ALDOA: variants seen among roughly 807,000 people sequenced by gnomAD.
The protein encoded by ALDOA is fructose-bisphosphate aldolase A.
In ALDOA, 26 loss-of-function variants were observed where a neutral mutation model predicts 43.9. The observed-to-expected ratio is 0.59, with a 90% CI of 0.43 to 0.82. The LOEUF is 0.82. Among genes scored for constraint, ALDOA ranks in the 40% least tolerant of loss-of-function variants. The pLI is 0.00. For synonymous variants in ALDOA, 258 were observed against 222.6 expected, an observed-to-expected ratio of 1.16 and a Z score of -1.42; for missense variants, 498 against 549.5, an observed-to-expected ratio of 0.91 and a Z score of 0.94.
At position 30,067,517 on chromosome 16, in the gene ALDOA, C is replaced by G. The variant is rs776135373; in HGVS notation, c.342C>G (p.Arg114=). The G allele has an allele frequency of 6.2e-7, 1 of 1,613,896 alleles. No homozygotes were observed. The change falls in exon 4 of 10, where the codon CGC becomes CGG. Residue 114 remains arginine (R), a synonymous_variant. Transcript: ENST00000642816. Reference sequence around the variant, plus strand: ...CCGAGGAGAACCGGCGCTTCTACCGCCAGCTGCTGCTGACAGCTGACGACC... The same window carrying G: ...CCGAGGAGAACCGGCGCTTCTACCGGCAGCTGCTGCTGACAGCTGACGACC... The part of the protein sequence containing the change: ...ENTEENRRFY[R]QLLLTADDRV...
At chr16:30,069,207 G>A (rs894348239) in intron 6 of ALDOA, 99 bp from the exon 7 acceptor site, 1 of 1,441,328 alleles carries the variant, frequency 6.9e-7, no homozygotes, top group African/African-American at 1.4e-5. Context: ...CTGAGTCCCT[G>A]GCATCATCAA....
At chr16:30,068,156 C>T (rs1333188231) in intron 4 of ALDOA, 9 of 267,672 alleles carry the variant, frequency 3.4e-5, no homozygotes, top group Non-Finnish European at 7.3e-6. Context: ...GTTCCGCCTC[C>T]CAGGTTCACG....
upstream of ALDOA, chr16:30,065,573 G>A (rs531858818): frequency 2.6e-5 from 4 of 152,336 alleles, no homozygotes; most frequent in Admixed American, 6.5e-5. Context: ...ACGTCCGAGG[G>A]GGGTGGGGAG....
At chr16:30,069,222 C>G (rs1012775602) in intron 6 of ALDOA, 84 bp from the exon 7 acceptor site, 1 of 1,482,428 alleles carries the variant, frequency 6.7e-7, no homozygotes, top group Non-Finnish European at 9.4e-7. Flanking sequence ...CATCAAGATA[C>G]GGTCTTGACC....
upstream of ALDOA, among the ~76,000 whole-genome samples, chr16:30,065,229 C>T (rs2072057946): frequency 6.6e-6 from 1 of 152,216 alleles, no homozygotes; most frequent in Non-Finnish European, 1.5e-5. Context: ...GCCTCCCTTA[C>T]GCCTGGGCCA....
At chr16:30,066,819 G>C (rs1334203303) in intron 1 of ALDOA, 66 bp from the exon 2 acceptor site, 1 of 1,495,136 alleles carries the variant, frequency 6.7e-7, no homozygotes, top group Non-Finnish European at 9.0e-7. Context: ...CCACGAGGGT[G>C]TTGGGCCCTC....
At position 30,070,039 on chromosome 16, in the gene ALDOA, G is replaced by C. The variant is rs754806943; in HGVS notation, c.1161+10G>C. 6.2e-7 allele frequency: 1 copy of C among 1,613,722 alleles called. No homozygotes were observed. Among genetic ancestry groups the C allele is most frequent in the South Asian group, 1.1e-5 (1 of 91,082 alleles). On this transcript the variant is annotated intron_variant, in intron 9 of 9. Transcript: ENST00000642816. The stretch of plus-strand genomic sequence containing the variant: ...TGTCAAGCGAGCCCTGGTAAGGATA[G>C]GCAGGAGGTGGGCAGGGTGCCTGGG...
chr16:30,068,444 TG>T, intron 4 of ALDOA: 1 of 660,450 alleles, frequency 1.5e-6, no homozygotes, highest in Non-Finnish European at 2.8e-6. Flanking sequence ...TAAGTAAATG[TG>T]GGGGAAGACT....
At position 30,068,667 on chromosome 16, in the gene ALDOA, C is replaced by G. The variant is rs201627751; in HGVS notation, c.508C>G (p.Leu170Val). Residue 170 changes from leucine (L) to valine (V), a missense_variant, in exon 5 of 10, where the codon CTG becomes GTG. Transcript: ENST00000642816. ...GIKVDKGVVP[L>V]AGTNGETTTQ... ...ACAGGTAGACAAGGGCGTGGTCCCC[C>G]TGGCAGGGACAAATGGCGAGACTAC... 6.2e-7 allele frequency: 1 copy of G among 1,614,218 alleles called. No individual in the cohort carries two copies. The highest frequency in any genetic ancestry group is 2.2e-5 in the East Asian group (1 of 44,874).
At chr16:30,066,653 C>T (rs2072116516) in intron 1 of ALDOA, among the ~76,000 whole-genome samples, 2 of 152,198 alleles carry the variant, frequency 1.3e-5, no homozygotes, top group Non-Finnish European at 2.9e-5. Flanking sequence ...TTGGGATGTC[C>T]TTGAAGCCTT....
At position 30,069,665 on chromosome 16, in the gene ALDOA, C is replaced by T; in HGVS notation, c.953C>T (p.Ala318Val). 1 of 1,613,640 alleles carries T rather than the reference C, an allele frequency of 6.2e-7. No individual in the cohort carries two copies. The highest frequency in any genetic ancestry group is 8.5e-7 in the Non-Finnish European group (1 of 1,180,016). ...GCGCTGCGCCGCACAGTGCCCCCCG[C>T]TGTCACTGGTGAGGCCCACACTCAT... is the stretch of plus-strand genomic sequence containing the variant. ...VTALRRTVPP[A>V]VTGITFLSGG... Residue 318 changes from alanine (A) to valine (V), a missense_variant, in exon 8 of 10, where the codon GCT becomes GTT. Physicochemically the swap from Ala to Val is moderately conservative, Grantham distance 64. Transcript: ENST00000642816.
At chr16:30,069,209 C>T (rs2151018281) in intron 6 of ALDOA, 97 bp from the exon 7 acceptor site, 17 of 1,445,460 alleles carry the variant, frequency 1.2e-5, no homozygotes, top group Non-Finnish European at 1.5e-5. Flanking sequence ...GAGTCCCTGG[C>T]ATCATCAAGA....
chr16:30,069,540 C>T lies in ALDOA; in HGVS notation c.828C>T (p.Ile276=), dbSNP rs764984222. The part of the protein sequence containing the change: ...AVYKALSDHH[I]YLEGTLLKPN... ...ACAAGGCTCTGAGTGACCACCACAT[C>T]TACCTGGAAGGCACCTTGCTGAAGC... Residue 276 remains isoleucine, a synonymous_variant, in exon 8 of 10, where the codon ATC becomes ATT. Coordinates refer to ENST00000642816, the MANE Select transcript of ALDOA (RefSeq NM_001243177.4). 9.3e-6 allele frequency: 15 copies of T among 1,614,172 alleles called. No individual in the cohort carries two copies. The Admixed American group carries it at 2.2e-4, about 23-fold the overall frequency.
chr16:30,065,504 G>A (rs1043699558), upstream of ALDOA, among the ~76,000 whole-genome samples: 1 of 152,214 alleles, frequency 6.6e-6, no homozygotes, highest in Non-Finnish European at 1.5e-5. Context: ...GAGCGCGCCA[G>A]GCTGGGGGAA....
Position 30,069,542 on chromosome 16 carries a change from A to G in ALDOA, c.830A>G (p.Tyr277Cys), listed in dbSNP as rs1197828857. 6.2e-7 allele frequency: 1 copy of G among 1,613,888 alleles called. No homozygotes were observed. The highest frequency in any genetic ancestry group is 1.3e-5 in the African/African-American group (1 of 74,872). ...VYKALSDHHIYLEGTLLKPNM... is the reference protein window; with the variant it reads ...VYKALSDHHICLEGTLLKPNM... ...AAGGCTCTGAGTGACCACCACATCT[A>G]CCTGGAAGGCACCTTGCTGAAGCCC... The change falls in exon 8 of 10, where the codon TAC becomes TGC. Residue 277 changes from tyrosine to cysteine, a missense_variant. By Grantham distance (194) the Tyr-to-Cys change is radical. Coordinates refer to ENST00000642816, the MANE Select transcript of ALDOA (RefSeq NM_001243177.4).
At position 30,070,197 on chromosome 16, in the gene ALDOA, T is replaced by A; in HGVS notation, c.1242T>A (p.Ser414=). 6.2e-7 allele frequency: 1 copy of A among 1,614,124 alleles called. No individual in the cohort carries two copies. Among genetic ancestry groups the A allele is most frequent in the Non-Finnish European group, 8.5e-7 (1 of 1,180,024 alleles). ...GAAASESLFV[S]NHAY ...CTGCCAGCGAGTCCCTCTTCGTCTC[T>A]AACCACGCCTATTAAGCGGAGGTGT... The change falls in exon 10 of 10, where the codon TCT becomes TCA. Residue 414 remains serine (S), a synonymous_variant. Transcript: ENST00000642816.
intron 6 of ALDOA, 31 bp from the exon 7 acceptor site, chr16:30,069,275 C>A (rs777632110): frequency 6.2e-7 from 1 of 1,611,190 alleles, no homozygotes. Flanking sequence ...GGTTAGGAGG[C>A]CTCACAGTGA....
intron 4 of ALDOA, 43 bp downstream of exon 4, chr16:30,067,704 G>C (rs748329393): frequency 6.2e-7 from 1 of 1,610,722 alleles, no homozygotes; most frequent in East Asian, 2.2e-5. Flanking sequence ...GATGGAAGTG[G>C]AGGAAGGAAA....
rs142242422 is a variant in ALDOA, at chr16:30,069,567, C to T, written c.855C>T (p.Pro285=). 2.5e-6 allele frequency: 4 copies of T among 1,614,006 alleles called. No individual in the cohort carries two copies. In the African/African-American group the frequency reaches 5.3e-5, roughly 22 times the overall value. Reference sequence around the variant, plus strand: ...ACCTGGAAGGCACCTTGCTGAAGCCCAACATGGTCACCCCAGGCCATGCTT... The same window carrying T: ...ACCTGGAAGGCACCTTGCTGAAGCCTAACATGGTCACCCCAGGCCATGCTT... ...HIYLEGTLLK[P]NMVTPGHACT... The change falls in exon 8 of 10, where the codon CCC becomes CCT. Residue 285 remains proline, a synonymous_variant. Transcript: ENST00000642816.
Sources: allele counts gnomAD v4.1 joint callset (sites outside exome capture counted in the v4.1 genomes callset), GRCh38; gene constraint gnomAD v4.1.1; transcripts MANE v1.5; gene names NCBI Gene and HGNC (gene_info 2026-07-23, HGNC 2026-07-21).